INPP5B: variants seen among roughly 807,000 people sequenced by gnomAD.
INPP5B encodes type II inositol 1,4,5-trisphosphate 5-phosphatase.
INPP5B carries 90 observed loss-of-function variants against 118.5 expected under a neutral mutation model. The observed-to-expected ratio is 0.76, with a 90% CI of 0.64 to 0.90. INPP5B has a LOEUF of 0.90. INPP5B is among the 40% of genes least tolerant of loss of function. The probability of loss-of-function intolerance (pLI) is 0.00; values close to 1 mark genes in which losing one functional copy is unlikely to be tolerated. For synonymous variants in INPP5B, 385 were observed against 418.9 expected, an observed-to-expected ratio of 0.92 and a Z score of 0.99; for missense variants, 984 against 1,125.6, an observed-to-expected ratio of 0.87 and a Z score of 1.80.
chr1:37,907,091 A>G lies in INPP5B; in HGVS notation c.533-15637T>C, dbSNP rs1360013321. ...TGGAATCAGCTAGCAATCCCATATC[A>G]GCTTGGTTCCAACAGTTGCCCAGTT... On this transcript the variant is annotated intron_variant, in intron 7 of 23. Coordinates refer to ENST00000373024, the MANE Select transcript of INPP5B (RefSeq NM_005540.3). This position sits in a 1 kb window ranked among gnomAD's most constrained non-coding sequence, Gnocchi z 4.3. 1.3e-5 allele frequency among the ~76,000 whole-genome samples: 2 copies of G among 152,212 alleles called. No individual in the cohort carries two copies. Among genetic ancestry groups the G allele is most frequent in the Non-Finnish European group, 2.9e-5 (2 of 68,048 alleles).
Position 37,882,817 on chromosome 1 carries a change from G to A in INPP5B, c.1421C>T (p.Ala474Val), listed in dbSNP as rs752352623. The change falls in exon 14 of 24, where the codon GCA becomes GTA. Residue 474 changes from alanine to valine, a missense_variant. Coordinates refer to ENST00000373024, the MANE Select transcript of INPP5B (RefSeq NM_005540.3). The part of the protein sequence containing the change: ...IEEKDFQMLY[A>V]YDQLKIQVAA... ...GGTGGCCATCTGTACCTGATCATAT[G>A]CATACAGCATTTGAAAGTCCTTCTC... is the stretch of plus-strand genomic sequence containing the variant. The A allele has an allele frequency of 6.2e-7, 1 of 1,613,148 alleles. No homozygotes were observed. The highest frequency in any genetic ancestry group is 2.2e-5 in the East Asian group (1 of 44,874).
At chr1:37,924,175 T>C (rs1434171568) in intron 7 of INPP5B, among the ~76,000 whole-genome samples, 4 of 150,626 alleles carry the variant, frequency 2.7e-5, no homozygotes, top group African/African-American at 9.8e-5. Context: ...CATTTCTTTT[T>C]CTTTTTTTTT....
intron 7 of INPP5B, among the ~76,000 whole-genome samples, chr1:37,898,448 C>T (rs147089409): frequency 5.2e-4 from 79 of 152,290 alleles, no homozygotes; most frequent in African/African-American, 1.9e-3. Flanking sequence ...GTAATCCCAG[C>T]ACTTTGGGAG....
chr1:37,869,024 A>C (rs1383634916), intron 19 of INPP5B, among the ~76,000 whole-genome samples: 1 of 151,620 alleles, frequency 6.6e-6, no homozygotes, highest in Non-Finnish European at 1.5e-5. Context: ...ACGGAGTCTC[A>C]CTCTGTCACC....
At chr1:37,940,505 G>C (rs149628745) in intron 6 of INPP5B, among the ~76,000 whole-genome samples, 183 bp downstream of exon 6, 1 of 152,184 alleles carries the variant, frequency 6.6e-6, no homozygotes, top group Admixed American at 6.6e-5. Flanking sequence ...TCCAGAAACT[G>C]TAAACACAAA....
At chr1:37,882,149 G>A (rs1643242932) in intron 14 of INPP5B, among the ~76,000 whole-genome samples, 1 of 151,540 alleles carries the variant, frequency 6.6e-6, no homozygotes, top group Admixed American at 6.6e-5. Flanking sequence ...CAATACTAAG[G>A]TTACTAAAAG....
chr1:37,888,390 A>G (rs754491661), intron 9 of INPP5B, 46 bp from the exon 10 acceptor site: 4 of 1,210,114 alleles, frequency 3.3e-6, no homozygotes, highest in African/African-American at 1.6e-5. Flanking sequence ...CACTATGGAG[A>G]TAACAGGAGA....
intron 6 of INPP5B, among the ~76,000 whole-genome samples, chr1:37,932,363 CTTTTTTT>C (rs58150703): frequency 2.3e-5 from 2 of 87,808 alleles, no homozygotes; most frequent in African/African-American, 4.3e-5. Flanking sequence ...CTTTTCTTTT[CTTTTTTT>C]TTTTTTTTTT....
chr1:37,940,833 G>A (rs756230181), intron 5 of INPP5B, 35 bp from the exon 6 acceptor site: 6 of 1,468,002 alleles, frequency 4.1e-6, no homozygotes, highest in Middle Eastern at 3.4e-4. Flanking sequence ...ACCCTTGGCT[G>A]CCAGGAGCTA....
intron 7 of INPP5B, among the ~76,000 whole-genome samples, chr1:37,902,378 T>C (rs1021814365): frequency 1.2e-4 from 18 of 152,150 alleles, no homozygotes; most frequent in Non-Finnish European, 2.1e-4. Context: ...GCCCACTTAA[T>C]GATTTCCCTA....
intron 16 of INPP5B, among the ~76,000 whole-genome samples, chr1:37,876,552 TAAAAAAAAAAA>T (rs34854182): frequency 1.5e-4 from 8 of 54,612 alleles, no homozygotes; most frequent in Admixed American, 1.0e-3. Flanking sequence ...GCTGTCTCTT[TAAAAAAAAAAA>T]AAAAAAAAAA....
intron 12 of INPP5B, among the ~76,000 whole-genome samples, chr1:37,886,273 TA>T (rs71053998): frequency 1.4e-3 from 214 of 147,908 alleles, no homozygotes; most frequent in South Asian, 5.7e-3. Context: ...TTGTACAGAT[TA>T]AAAAAAAAAA....
intron 7 of INPP5B, among the ~76,000 whole-genome samples, chr1:37,902,734 T>C (rs1276242930): frequency 2.0e-5 from 3 of 152,062 alleles, no homozygotes; most frequent in African/African-American, 7.2e-5. Context: ...ATTTTTGTAT[T>C]TTTAGTAGAG....
At chr1:37,932,960 A>T (rs141112578) in intron 6 of INPP5B, among the ~76,000 whole-genome samples, 56 of 152,196 alleles carry the variant, frequency 3.7e-4, no homozygotes, top group African/African-American at 1.3e-3. Flanking sequence ...AAACCCTCTG[A>T]CTCAAACTAT....
In INPP5B at chr1:37,907,231, A is replaced by G. The variant is rs1303160776; in HGVS notation, c.533-15777T>C. ...GTAGAAACGCACAATAAGCTTACTG[A>G]ATGTTTTCTTAAATTGAACACTTAT... On this transcript the variant is annotated intron_variant, in intron 7 of 23. Coordinates refer to ENST00000373024, the MANE Select transcript of INPP5B (RefSeq NM_005540.3). The surrounding 1 kb of genome is among the most constrained non-coding windows in gnomAD (Gnocchi z 4.3). 1.3e-5 allele frequency among the ~76,000 whole-genome samples: 2 copies of G among 152,168 alleles called. No individual in the cohort carries two copies. The highest frequency in any genetic ancestry group is 1.3e-4 in the Admixed American group (2 of 15,268).
chr1:37,899,814 C>T (rs201272403), intron 7 of INPP5B, among the ~76,000 whole-genome samples: 4 of 151,672 alleles, frequency 2.6e-5, no homozygotes, highest in Admixed American at 6.6e-5. Flanking sequence ...GCCGGGTTCA[C>T]GCCATTCTCC....
chr1:37,861,880 C>T lies in INPP5B; in HGVS notation c.*435G>A, dbSNP rs2148433411. 6.4e-6 allele frequency: 1 copy of T among 155,884 alleles called. No homozygotes were observed. The highest frequency in any genetic ancestry group is 1.9e-4 in the East Asian group (1 of 5,270). The allele number at this position is 155,884 out of a possible 1,614,324, so 9.7% of individuals were successfully genotyped here. On this transcript the variant is annotated 3_prime_UTR_variant, in exon 24 of 24. Transcript: ENST00000373024. ...GTGAAACCCCGTCTCTACTAAAATG[C>T]AAAAAATTAGCTGGGCGTGGCAGTG...
intron 1 of INPP5B, among the ~76,000 whole-genome samples, chr1:37,946,631 C>T (rs1406518705): frequency 3.3e-5 from 5 of 152,050 alleles, no homozygotes; most frequent in South Asian, 2.1e-4. Context: ...AAGTGGGGTA[C>T]GTGGATTGGA....
rs762443311 is a variant in INPP5B at position 37,946,305 on chromosome 1, C to T, written c.4G>A (p.Asp2Asn). 1.2e-6 allele frequency: 2 copies of T among 1,611,432 alleles called. No individual in the cohort carries two copies. The highest frequency in any genetic ancestry group is 1.7e-6 in the Non-Finnish European group (2 of 1,178,894). Residue 2 changes from aspartate to asparagine, a missense_variant, in exon 2 of 24, where the codon GAC becomes AAC. Around this residue, in one of 2 missense-constraint regions of INPP5B, gnomAD observed 350 missense variants for 334.6 expected, o/e 1.05. Coordinates refer to ENST00000373024, the MANE Select transcript of INPP5B (RefSeq NM_005540.3). M[D>N]QSVAIQETLA... is the part of the protein sequence containing the mutation. ...GTCTCCTGGATTGCCACAGACTGGT[C>T]CATGCTGGCCCCTGCTGAGCGCACA...
Sources: allele counts gnomAD v4.1 joint callset (sites outside exome capture counted in the v4.1 genomes callset), GRCh38; gene constraint gnomAD v4.1.1; regional missense constraint gnomAD v4.1.1; non-coding constraint Gnocchi (gnomAD v3.1); transcripts MANE v1.5; gene names NCBI Gene and HGNC (gene_info 2026-07-23, HGNC 2026-07-21).